The following ZRANB3 variants were observed in gnomAD, a reference collection of about 807,000 sequenced individuals.
ZRANB3 encodes zinc finger RANBP2-type containing 3, also known as DNA annealing helicase and endonuclease ZRANB3.
Under a neutral mutation model 133.8 loss-of-function variants are expected in ZRANB3, and 125 were observed. That is an observed-to-expected ratio of 0.93 (90% CI 0.81 to 1.08). The LOEUF is 1.08. Ranked by LOEUF, ZRANB3 falls within the 50% of genes least tolerant of loss-of-function variation. The pLI is 0.00. For synonymous variants in ZRANB3, 387 were observed against 432.7 expected (o/e 0.89, Z 1.31); for missense variants, 1,229 against 1,275.5 (o/e 0.96, Z 0.56).
At chr2:135,383,959 C>T (rs1686841487) in intron 3 of ZRANB3, among the ~76,000 whole-genome samples, 1 of 152,082 alleles carries the variant, frequency 6.6e-6, no homozygotes, top group Non-Finnish European at 1.5e-5. Context: ...CGAACACATT[C>T]AAAAGCTAGC....
At chr2:135,303,151 T>C (rs1052142507) in intron 8 of ZRANB3, among the ~76,000 whole-genome samples, 9 of 151,236 alleles carry the variant, frequency 6.0e-5, no homozygotes, top group Non-Finnish European at 1.2e-4. Context: ...TCTTCCAATC[T>C]ATGTTTTGCA....
chr2:135,294,103 G>A (rs1406474343), intron 8 of ZRANB3, among the ~76,000 whole-genome samples: 1 of 152,180 alleles, frequency 6.6e-6, no homozygotes, highest in Non-Finnish European at 1.5e-5. Flanking sequence ...GATGATGCTG[G>A]CCTCATAAGA....
intron 12 of ZRANB3, among the ~76,000 whole-genome samples, chr2:135,233,901 C>T (rs1414367571): frequency 6.6e-6 from 1 of 152,134 alleles, no homozygotes; most frequent in Non-Finnish European, 1.5e-5. Flanking sequence ...AGCAAAATAA[C>T]CAGCTAACAT....
intron 4 of ZRANB3, among the ~76,000 whole-genome samples, chr2:135,352,931 T>C (rs1290224554): frequency 6.6e-6 from 1 of 152,078 alleles, no homozygotes; most frequent in Non-Finnish European, 1.5e-5. Flanking sequence ...CTATAACAGA[T>C]TTTAGAGTGA....
chr2:135,277,819 G>T (rs537774362), intron 8 of ZRANB3, among the ~76,000 whole-genome samples: 8 of 151,940 alleles, frequency 5.3e-5, no homozygotes, highest in Admixed American at 5.2e-4. Flanking sequence ...CAGCTACTTG[G>T]GAGGCTGAGG....
intron 6 of ZRANB3, among the ~76,000 whole-genome samples, chr2:135,343,023 A>C (rs1340754227): frequency 8.9e-5 from 13 of 145,970 alleles, no homozygotes; most frequent in Non-Finnish European, 1.9e-4. Flanking sequence ...AAAAAAAAAA[A>C]AAAAAAAAAA....
intron 1 of ZRANB3, among the ~76,000 whole-genome samples, chr2:135,521,140 G>A (rs1056388998): frequency 6.6e-6 from 1 of 152,206 alleles, no homozygotes; most frequent in Non-Finnish European, 1.5e-5. Flanking sequence ...AGGTTTAAAA[G>A]TTAGCAACTG....
intron 2 of ZRANB3, among the ~76,000 whole-genome samples, chr2:135,488,042 A>G (rs1444106382): frequency 6.6e-6 from 1 of 152,078 alleles, no homozygotes; most frequent in Non-Finnish European, 1.5e-5. Flanking sequence ...CTTTCCTTCT[A>G]CTTGAACACT....
chr2:135,316,403 C>T (rs1683253255), intron 6 of ZRANB3, among the ~76,000 whole-genome samples: 1 of 152,116 alleles, frequency 6.6e-6, no homozygotes, highest in Non-Finnish European at 1.5e-5. Context: ...AACCAAAATA[C>T]CAGCCCATAA....
intron 2 of ZRANB3, among the ~76,000 whole-genome samples, chr2:135,494,423 C>T (rs1295139114): frequency 1.3e-5 from 2 of 151,254 alleles, no homozygotes; most frequent in African/African-American, 4.9e-5. Context: ...CTCTTCTTTA[C>T]AATAAAATGC....
Position 135,230,811 on chromosome 2 carries a change from C to T in ZRANB3, c.1656G>A (p.Val552=). The T allele has an allele frequency of 1.2e-6, 2 of 1,613,630 alleles. No individual in the cohort carries two copies. The highest frequency in any genetic ancestry group is 1.7e-6 in the Non-Finnish European group (2 of 1,179,822). The change falls in exon 13 of 21, where the codon GTG becomes GTA. Residue 552 remains valine (V), a synonymous_variant. Coordinates refer to ENST00000264159, the MANE Select transcript of ZRANB3 (RefSeq NM_032143.4). ...SKRFREENTV[V]SSDPTKTAAR... is the part of the protein sequence containing the mutation. ...CAGCTGTTTTTGTAGGGTCTGATGA[C>T]ACTACAGTATTTTCCTCCCGGAATC...
intron 6 of ZRANB3, among the ~76,000 whole-genome samples, chr2:135,333,259 CAA>C (rs1048383601): frequency 1.3e-5 from 2 of 151,864 alleles, no homozygotes; most frequent in Non-Finnish European, 2.9e-5. Context: ...CTGTACAAGG[CAA>C]ACTCTCAACT....
At chr2:135,220,135 G>T (rs1430290626) in intron 15 of ZRANB3, among the ~76,000 whole-genome samples, 1 of 151,878 alleles carries the variant, frequency 6.6e-6, no homozygotes, top group Admixed American at 6.6e-5. Context: ...GAACTCCTGG[G>T]CTCAAGTGAT....
intron 6 of ZRANB3, among the ~76,000 whole-genome samples, chr2:135,321,222 T>A (rs1683509905): frequency 1.3e-5 from 2 of 152,214 alleles, no homozygotes; most frequent in Admixed American, 6.5e-5. Flanking sequence ...CCAAAGTGGT[T>A]GAACATTTTG....
chr2:135,413,463 A>G (rs1049740364), intron 2 of ZRANB3, among the ~76,000 whole-genome samples: 1 of 152,178 alleles, frequency 6.6e-6, no homozygotes, highest in African/African-American at 2.4e-5. Flanking sequence ...TAACTTCCTT[A>G]TATCTGTTGT....
intron 6 of ZRANB3, among the ~76,000 whole-genome samples, chr2:135,337,611 T>C (rs1465384532): frequency 6.6e-6 from 1 of 152,188 alleles, no homozygotes; most frequent in South Asian, 2.1e-4. Context: ...TAAAGAGTTA[T>C]TACTTTGGTC....
chr2:135,281,400 G>C (rs964242020), intron 8 of ZRANB3, among the ~76,000 whole-genome samples: 1 of 151,638 alleles, frequency 6.6e-6, no homozygotes, highest in Non-Finnish European at 1.5e-5. Flanking sequence ...GGTAAATTGT[G>C]ATTGGTCTAA....
intron 1 of ZRANB3, chr2:135,530,555 C>G (rs1694500385): frequency 6.6e-6 from 1 of 152,280 alleles, no homozygotes; most frequent in Non-Finnish European, 1.5e-5. Context: ...ATCTCCAACT[C>G]CCGCCACAGG....
chr2:135,261,451 A>G (rs1260957150), intron 12 of ZRANB3, among the ~76,000 whole-genome samples: 1 of 152,200 alleles, frequency 6.6e-6, no homozygotes, highest in Non-Finnish European at 1.5e-5. Context: ...ATACCAACAA[A>G]GCAAAACTAA....
Sources: gnomAD v4.1 joint callset for allele counts (sites outside exome capture counted in the v4.1 genomes callset) on GRCh38, gnomAD v4.1.1 for gene constraint, MANE v1.5 for transcripts, NCBI Gene and HGNC (gene_info 2026-07-23, HGNC 2026-07-21) for gene names.